The following VEPH1 variants were observed in gnomAD, a reference collection of about 807,000 sequenced individuals.
The protein encoded by VEPH1 is ventricular zone-expressed PH domain-containing protein homolog 1.
Under a neutral mutation model 85.2 loss-of-function variants are expected in VEPH1, and 80 were observed. The observed-to-expected ratio is 0.94, with a 90% CI of 0.78 to 1.13. The LOEUF is 1.13. Among genes scored for constraint, VEPH1 ranks in the 50% most tolerant of loss-of-function variants. VEPH1 has a pLI of 0.00. For synonymous variants in VEPH1, 297 were observed against 348.0 expected (o/e 0.85, Z 1.63); for missense variants, 955 against 980.5 (o/e 0.97, Z 0.35).
intron 5 of VEPH1, among the ~76,000 whole-genome samples, chr3:157,420,998 G>A (rs1048928570): frequency 2.0e-5 from 3 of 152,160 alleles, no homozygotes; most frequent in African/African-American, 7.2e-5. Flanking sequence ...TGATCACCCA[G>A]CCTTTTTCTG....
rs543555368 is a variant in VEPH1 at position 157,411,225 on chromosome 3, A to G, written c.906+2656T>C. Among the ~76,000 whole-genome samples, 6 of 152,314 alleles carry G rather than the reference A, an allele frequency of 3.9e-5. No individual in the cohort carries two copies. In the South Asian group the frequency reaches 6.2e-4, roughly 16 times the overall value. Reference sequence around the variant, plus strand: ...TAGAAGGAGCCTGGGTCTCTGAAACATGGCACTCTAGAGAGATTGCCTTCT... The same window carrying G: ...TAGAAGGAGCCTGGGTCTCTGAAACGTGGCACTCTAGAGAGATTGCCTTCT... On this transcript the variant is annotated intron_variant, in intron 6 of 13. Transcript: ENST00000362010.
At chr3:157,481,033 C>T (rs1430388401) in intron 2 of VEPH1, among the ~76,000 whole-genome samples, 1 of 152,070 alleles carries the variant, frequency 6.6e-6, no homozygotes, top group East Asian at 1.9e-4. Context: ...TTTTGATTTG[C>T]ATTTCTCTGA....
Position 157,460,049 on chromosome 3 carries a change from T to C in VEPH1, c.529+132A>G, listed in dbSNP as rs763346329. The C allele has an allele frequency of 1.2e-5, 19 of 1,589,608 alleles. No individual in the cohort carries two copies. In the South Asian group the frequency reaches 1.8e-4, roughly 15 times the overall value. ...ACCTTTTGCATGTTCACAGGTCAAC[T>C]GGCAGCAAAACAGAGAAATTAATTT... On this transcript the variant is annotated intron_variant, in intron 4 of 13. Coordinates refer to ENST00000362010, the MANE Select transcript of VEPH1 (RefSeq NM_001167912.2).
rs187633406 is a variant in VEPH1 at position 157,309,200 on chromosome 3, T to G, written c.2010+4421A>C. ...GATCCCTGCTCTCATGGAGCTTATA[T>G]TCTCATGTTGGCTCATGCTTTCAAG... On this transcript the variant is annotated intron_variant, in intron 11 of 13. Coordinates refer to ENST00000362010, the MANE Select transcript of VEPH1 (RefSeq NM_001167912.2). Among the ~76,000 whole-genome samples the G allele has an allele frequency of 7.2e-5, 11 of 152,268 alleles. No individual in the cohort carries two copies. In the East Asian group the frequency reaches 2.1e-3, roughly 29 times the overall value.
At chr3:157,443,642 TTTCTC>T (rs1184756733) in intron 4 of VEPH1, 13 of 152,392 alleles carry the variant, frequency 8.5e-5, no homozygotes, top group African/African-American at 3.1e-4. Context: ...AACTCGTACT[TTTCTC>T]TTTTCATTTA....
At chr3:157,350,216 A>C (rs1295473513) in intron 9 of VEPH1, among the ~76,000 whole-genome samples, 1 of 152,204 alleles carries the variant, frequency 6.6e-6, no homozygotes, top group African/African-American at 2.4e-5. Flanking sequence ...ATTAATCCAC[A>C]TATCTGCGGC....
At chr3:157,502,428 A>G (rs995015245) in intron 1 of VEPH1, among the ~76,000 whole-genome samples, 15 of 152,208 alleles carry the variant, frequency 9.9e-5, no homozygotes, top group African/African-American at 3.6e-4. Flanking sequence ...TTTATAGTGT[A>G]TTCATTTTCA....
At chr3:157,304,038 T>TATATATATATATATACACACAC in intron 11 of VEPH1, among the ~76,000 whole-genome samples, 86 of 96,910 alleles carry the variant, frequency 8.9e-4, no homozygotes, top group African/African-American at 2.4e-3. Context: ...TATATATATA[T>TATATATATATATATACACACAC]ACACACATAC....
intron 12 of VEPH1, among the ~76,000 whole-genome samples, chr3:157,274,423 C>T (rs1368195877): frequency 1.3e-5 from 2 of 152,086 alleles, no homozygotes; most frequent in Non-Finnish European, 2.9e-5. Context: ...TGAACTTGGA[C>T]CTTTAATAAA....
intron 3 of VEPH1, among the ~76,000 whole-genome samples, chr3:157,468,130 C>T (rs1267947717): frequency 1.3e-5 from 2 of 152,124 alleles, no homozygotes; most frequent in African/African-American, 4.8e-5. Flanking sequence ...AGACTGTCTT[C>T]TCACTCTACT....
At chr3:157,423,967 T>C (rs193089120) in intron 5 of VEPH1, among the ~76,000 whole-genome samples, 1 of 152,226 alleles carries the variant, frequency 6.6e-6, no homozygotes, top group Non-Finnish European at 1.5e-5. Flanking sequence ...ACAACCATAA[T>C]TGAATAACCT....
intron 2 of VEPH1, among the ~76,000 whole-genome samples, chr3:157,490,361 CAAG>C (rs1030319363): frequency 6.7e-6 from 1 of 149,980 alleles, no homozygotes; most frequent in African/African-American, 2.5e-5. Flanking sequence ...AGGACTAATA[CAAG>C]AATATACAAA....
intron 4 of VEPH1, among the ~76,000 whole-genome samples, chr3:157,435,539 G>A (rs1733500091): frequency 2.0e-5 from 3 of 152,278 alleles, no homozygotes; most frequent in East Asian, 3.9e-4. Flanking sequence ...TGGCTTTCAT[G>A]AGGATCTCCC....
At chr3:157,377,984 C>T (rs888293488) in intron 7 of VEPH1, among the ~76,000 whole-genome samples, 2 of 151,760 alleles carry the variant, frequency 1.3e-5, no homozygotes, top group Non-Finnish European at 2.9e-5. Flanking sequence ...ACCTTGTGTC[C>T]ATAGGGAAAA....
chr3:157,299,559 CAAAAAA>C (rs10535235), intron 11 of VEPH1, among the ~76,000 whole-genome samples: 76 of 103,096 alleles, frequency 7.4e-4, no homozygotes, highest in South Asian at 1.7e-3. Flanking sequence ...GGCCCTGTCT[CAAAAAA>C]AAAAAAAAAA....
At chr3:157,378,450 T>C (rs569132919) in intron 7 of VEPH1, among the ~76,000 whole-genome samples, 1 of 149,500 alleles carries the variant, frequency 6.7e-6, no homozygotes, top group South Asian at 2.1e-4. Context: ...TGAAAGGGGG[T>C]GCTTCTTCTA....
intron 4 of VEPH1, chr3:157,437,434 C>T (rs888420704): frequency 6.6e-7 from 1 of 1,525,384 alleles, no homozygotes; most frequent in Non-Finnish European, 8.8e-7. Flanking sequence ...TTGGCACCAC[C>T]GAGGGAGGTC....
intron 13 of VEPH1, among the ~76,000 whole-genome samples, chr3:157,263,610 T>C: frequency 6.6e-6 from 1 of 152,204 alleles, no homozygotes; most frequent in African/African-American, 2.4e-5. Flanking sequence ...CTGTCTAAAT[T>C]GAACTGCCCT....
At chr3:157,484,586 T>C (rs114044808) in intron 2 of VEPH1, among the ~76,000 whole-genome samples, 2,079 of 152,334 alleles carry the variant, frequency 0.014, 17 homozygotes, top group Middle Eastern at 0.027. Context: ...GCATTGACTA[T>C]ACATTTTTTT....
Sources: allele counts gnomAD v4.1 joint callset (sites outside exome capture counted in the v4.1 genomes callset), GRCh38; gene constraint gnomAD v4.1.1; transcripts MANE v1.5; gene names NCBI Gene and HGNC (gene_info 2026-07-23, HGNC 2026-07-21).